Variants in PRKG1 observed in about 807,000 individuals in gnomAD.
The protein encoded by PRKG1 is cGMP-dependent protein kinase 1.
In PRKG1, 35 loss-of-function variants were observed where a neutral mutation model predicts 88.1. That is an observed-to-expected ratio of 0.40 (90% CI 0.30 to 0.53). The LOEUF is 0.53. Among genes scored for constraint, PRKG1 ranks in the 20% least tolerant of loss-of-function variants. PRKG1 has a pLI of 0.59. For synonymous variants in PRKG1, 303 were observed against 292.5 expected (o/e 1.04, Z -0.37); for missense variants, 540 against 839.8 (o/e 0.64, Z 4.41).
Position 52,282,224 on chromosome 10 carries a change from T to C in PRKG1, c.1617T>C (p.Tyr539=), listed in dbSNP as rs1408876994. Residue 539 remains tyrosine, a synonymous_variant, in exon 14 of 18, where the codon TAT becomes TAC. Transcript: ENST00000373980. ...KTWTFCGTPE[Y]VAPEIILNKG... Reference sequence around the variant, plus strand: ...GGACTTTTTGTGGGACTCCAGAGTATGTAGCCCCAGAGATCATCCTGAACA... The same window carrying C: ...GGACTTTTTGTGGGACTCCAGAGTACGTAGCCCCAGAGATCATCCTGAACA... The C allele has an allele frequency of 1.2e-6, 2 of 1,611,972 alleles. No individual in the cohort carries two copies. Among genetic ancestry groups the C allele is most frequent in the East Asian group, 2.2e-5 (1 of 44,836 alleles).
intron 2 of PRKG1, among the ~76,000 whole-genome samples, chr10:51,163,404 G>A (rs562808886): frequency 6.6e-6 from 1 of 152,234 alleles, no homozygotes; most frequent in Admixed American, 6.5e-5. Context: ...AATATGGGAG[G>A]GCAGCCAAGA....
At chr10:51,126,354 T>C (rs1845416875) in intron 1 of PRKG1, among the ~76,000 whole-genome samples, 1 of 133,876 alleles carries the variant, frequency 7.5e-6, no homozygotes, top group African/African-American at 2.8e-5. Flanking sequence ...ATACTTTATA[T>C]TTTATTATTT....
intron 3 of PRKG1, among the ~76,000 whole-genome samples, chr10:51,710,364 G>T (rs187260587): frequency 6.6e-6 from 1 of 151,180 alleles, no homozygotes; most frequent in Admixed American, 6.6e-5. Flanking sequence ...CAAGATGAAA[G>T]ATTTTTTTTT....
rs138039038 is a variant in PRKG1, at chr10:52,278,468, C to T, written c.1404-2321C>T. Among the ~76,000 whole-genome samples the T allele has an allele frequency of 8.8e-4, 134 of 152,226 alleles. 2 individuals carry two copies. In the Middle Eastern group the frequency reaches 0.01, roughly 12 times the overall value. On this transcript the variant is annotated intron_variant, in intron 12 of 17. Transcript: ENST00000373980. ...CAGCAATCCCATTACTGGGTATATA[C>T]CCAAAGATTATAAATCATTCTACTT...
chr10:52,144,201 A>G (rs943635677), intron 8 of PRKG1, among the ~76,000 whole-genome samples: 4 of 152,150 alleles, frequency 2.6e-5, no homozygotes, highest in Non-Finnish European at 4.4e-5. Flanking sequence ...TACAGTAATA[A>G]GGGGAGTGTG....
chr10:51,099,430 T>G (rs1444283813), intron 1 of PRKG1, among the ~76,000 whole-genome samples: 5 of 134,920 alleles, frequency 3.7e-5, no homozygotes, highest in African/African-American at 1.1e-4. Context: ...CTCACGTGCT[T>G]TTCATTTTAA....
chr10:51,375,473 G>C (rs1014679252), intron 2 of PRKG1, among the ~76,000 whole-genome samples: 1 of 151,850 alleles, frequency 6.6e-6, no homozygotes, highest in Non-Finnish European at 1.5e-5. Context: ...TACTGGCTGA[G>C]CATCTCATAT....
At chr10:51,497,653 C>T (rs575919979) in intron 3 of PRKG1, among the ~76,000 whole-genome samples, 9 of 152,220 alleles carry the variant, frequency 5.9e-5, no homozygotes, top group African/African-American at 1.9e-4. Context: ...CAAATAGGAG[C>T]AAGGTGTGCA....
At chr10:51,190,759 T>C (rs1171984469) in intron 2 of PRKG1, among the ~76,000 whole-genome samples, 2 of 151,948 alleles carry the variant, frequency 1.3e-5, no homozygotes, top group African/African-American at 4.8e-5. Flanking sequence ...GTTTTGCCAC[T>C]GATCGACAGT....
rs998725544 is a variant in PRKG1, at chr10:52,238,589, A to T, written c.1077-12981A>T. ...GAAAAAATGCTCATCATCACTAGCC[A>T]TCAGAGAAATGCAAATCAAAACCAC... On this transcript the variant is annotated intron_variant, in intron 9 of 17. Transcript: ENST00000373980. 2.8e-3 allele frequency among the ~76,000 whole-genome samples: 431 copies of T among 151,244 alleles called. 2 individuals are homozygous for T. Among genetic ancestry groups the T allele is most frequent in the African/African-American group, 8.8e-3 (365 of 41,482 alleles).
At chr10:51,048,288 C>T (rs1391278259) in intron 1 of PRKG1, among the ~76,000 whole-genome samples, 1 of 151,722 alleles carries the variant, frequency 6.6e-6, no homozygotes, top group Admixed American at 6.6e-5. Flanking sequence ...TTTACTTCCC[C>T]TCTCTTTCCT....
At chr10:51,551,688 CTAA>C (rs1837139486) in intron 3 of PRKG1, among the ~76,000 whole-genome samples, 2 of 151,688 alleles carry the variant, frequency 1.3e-5, no homozygotes, top group African/African-American at 4.8e-5. Context: ...CTTTGAAAAA[CTAA>C]TAATTGAGTG....
intron 2 of PRKG1, among the ~76,000 whole-genome samples, chr10:51,428,749 G>A (rs575855871): frequency 1.7e-4 from 26 of 152,164 alleles, no homozygotes; most frequent in Non-Finnish European, 2.9e-4. Context: ...AGCAGAAAGT[G>A]AAAAAAACGC....
intron 1 of PRKG1, among the ~76,000 whole-genome samples, chr10:51,061,056 TA>T: frequency 7.0e-6 from 1 of 142,780 alleles, no homozygotes; most frequent in Admixed American, 7.2e-5. Flanking sequence ...GTGTTATACC[TA>T]GGGGTGTGTG....
At chr10:52,078,320 T>C (rs1227154223) in intron 7 of PRKG1, among the ~76,000 whole-genome samples, 2 of 152,228 alleles carry the variant, frequency 1.3e-5, no homozygotes, top group African/African-American at 4.8e-5. Context: ...AACCACTAAT[T>C]ATTTTTAAAA....
At chr10:51,522,010 C>G (rs1564533534) in intron 3 of PRKG1, among the ~76,000 whole-genome samples, 1 of 151,992 alleles carries the variant, frequency 6.6e-6, no homozygotes, top group Non-Finnish European at 1.5e-5. Flanking sequence ...ACAAATTGAG[C>G]CTTAAGAGAA....
chr10:51,828,622 T>C (rs1839933971), intron 4 of PRKG1, among the ~76,000 whole-genome samples: 1 of 152,210 alleles, frequency 6.6e-6, no homozygotes, highest in Non-Finnish European at 1.5e-5. Flanking sequence ...GTCTTTGATG[T>C]GTTCTTGCCA....
chr10:51,747,615 C>T (rs953356601), intron 3 of PRKG1, among the ~76,000 whole-genome samples: 4 of 152,178 alleles, frequency 2.6e-5, no homozygotes, highest in African/African-American at 9.7e-5. Flanking sequence ...TGGTTAGCAA[C>T]ATTTCACTTT....
In PRKG1 at chr10:51,487,055, C is replaced by A. The variant is rs10508943; in HGVS notation, c.592+19219C>A. 4.6e-3 allele frequency among the ~76,000 whole-genome samples: 694 copies of A among 151,780 alleles called. 5 individuals carry two copies. Among genetic ancestry groups the A allele is most frequent in the African/African-American group, 0.016 (663 of 41,368 alleles). ...TTGCTAGATGTAAAGAGTGCATACA[C>A]CAATAACTTGACTTAGTAGGTTGAA... On this transcript the variant is annotated intron_variant, in intron 3 of 17. Transcript: ENST00000373980.
Sources: gnomAD v4.1 joint callset for allele counts (sites outside exome capture counted in the v4.1 genomes callset) on GRCh38, gnomAD v4.1.1 for gene constraint, MANE v1.5 for transcripts, NCBI Gene and HGNC (gene_info 2026-07-23, HGNC 2026-07-21) for gene names.